The following LRCH1 variants were observed in gnomAD, a reference collection of about 807,000 sequenced individuals.
The protein encoded by LRCH1 is leucine-rich repeat and calponin homology domain-containing protein 1.
LRCH1 carries 23 observed loss-of-function variants against 94.9 expected under a neutral mutation model. The observed-to-expected ratio is 0.24, with a 90% CI of 0.17 to 0.34. The LOEUF (loss-of-function observed/expected upper bound fraction) is 0.34, where lower values mean the gene tolerates loss of function less well. Ranked by LOEUF, LRCH1 falls within the 10% of genes least tolerant of loss-of-function variation. The probability of loss-of-function intolerance (pLI) is 1.00; values close to 1 mark genes in which losing one functional copy is unlikely to be tolerated. For missense variants in LRCH1, 790 were observed against 945.9 expected, an observed-to-expected ratio of 0.84 and a Z score of 2.16; for synonymous variants, 364 against 354.9, an observed-to-expected ratio of 1.03 and a Z score of -0.29.
intron 13 of LRCH1, chr13:46,705,509 A>T (rs1871712738): frequency 1.4e-6 from 1 of 696,604 alleles, no homozygotes; most frequent in Non-Finnish European, 2.6e-6. Flanking sequence ...CCCTCTGTTG[A>T]AGATGAGAGT....
intron 1 of LRCH1, among the ~76,000 whole-genome samples, chr13:46,565,949 C>G (rs542737871): frequency 7.9e-5 from 12 of 151,742 alleles, no homozygotes; most frequent in African/African-American, 2.9e-4. Flanking sequence ...AATGGGGAAC[C>G]CTATTCCTGT....
At chr13:46,601,666 A>G (rs2050630319) in intron 1 of LRCH1, among the ~76,000 whole-genome samples, 1 of 152,220 alleles carries the variant, frequency 6.6e-6, no homozygotes, top group Admixed American at 6.5e-5. Flanking sequence ...AAGACTAATT[A>G]TATTTCCATA....
chr13:46,584,502 C>T (rs920220739), intron 1 of LRCH1, among the ~76,000 whole-genome samples: 15 of 152,330 alleles, frequency 9.8e-5, no homozygotes, highest in East Asian at 5.8e-4. Context: ...TATCACATGG[C>T]AAGTAGATCT....
At chr13:46,695,051 T>A in intron 9 of LRCH1, 34 bp downstream of exon 9, 1 of 1,610,422 alleles carries the variant, frequency 6.2e-7, no homozygotes. Flanking sequence ...GTTTTTTTAC[T>A]TATTTCCTTC....
chr13:46,680,395 C>G (rs1322117499), intron 3 of LRCH1, among the ~76,000 whole-genome samples: 1 of 152,110 alleles, frequency 6.6e-6, no homozygotes, highest in Non-Finnish European at 1.5e-5. Context: ...GAATGTAAAC[C>G]CATGAGCAAA....
Position 46,670,414 on chromosome 13 carries a change from A to G in LRCH1, c.579+1258A>G, listed in dbSNP as rs1012843100. ...TTCTGCTCAGCTTTTCCTCTTCCAT[A>G]CAACGGCAGAGGTTGCCCAAGTTTA... On this transcript the variant is annotated intron_variant, in intron 3 of 19. Coordinates refer to ENST00000389797, the MANE Select transcript of LRCH1 (RefSeq NM_001164211.2). 4.6e-5 allele frequency among the ~76,000 whole-genome samples: 7 copies of G among 152,180 alleles called. No individual in the cohort carries two copies. The South Asian group carries it at 1.0e-3, about 23-fold the overall frequency.
intron 8 of LRCH1, among the ~76,000 whole-genome samples, chr13:46,692,966 CTTTTT>C (rs556715797): frequency 7.8e-6 from 1 of 128,188 alleles, no homozygotes; most frequent in Admixed American, 8.0e-5. Flanking sequence ...AGATAAAATT[CTTTTT>C]TTTTTTTTTT....
intron 13 of LRCH1, among the ~76,000 whole-genome samples, chr13:46,706,908 A>C (rs190039363): frequency 6.6e-6 from 1 of 152,226 alleles, no homozygotes; most frequent in East Asian, 1.9e-4. Context: ...AAACACACAC[A>C]ATTCTTTTGC....
chr13:46,744,063 T>C lies in LRCH1; in HGVS notation c.*2215T>C. On this transcript the variant is annotated 3_prime_UTR_variant, in exon 20 of 20. Transcript: ENST00000389797. Reference sequence around the variant, plus strand: ...CCTTTAGGCAAAAATTTGAATGAACTGTTCTGTCCATTGCCAACCCATTAA... The same window carrying C: ...CCTTTAGGCAAAAATTTGAATGAACCGTTCTGTCCATTGCCAACCCATTAA... 1.0e-6 allele frequency: 1 copy of C among 985,430 alleles called. No homozygotes were observed. Among genetic ancestry groups the C allele is most frequent in the Non-Finnish European group, 1.2e-6 (1 of 829,930 alleles). The allele number at this position is 985,430 out of a possible 1,614,324, so 61.0% of individuals were successfully genotyped here. A position where few individuals can be genotyped will look rare whatever the true frequency, so the allele number is the denominator to read the frequency against.
At chr13:46,588,609 T>G (rs991879931) in intron 1 of LRCH1, among the ~76,000 whole-genome samples, 2 of 149,422 alleles carry the variant, frequency 1.3e-5, no homozygotes. Flanking sequence ...TTTTTTTTTT[T>G]TTTTTTTTGA....
intron 1 of LRCH1, among the ~76,000 whole-genome samples, chr13:46,609,131 C>G (rs934933380): frequency 1.3e-5 from 2 of 152,208 alleles, no homozygotes; most frequent in Non-Finnish European, 2.9e-5. Flanking sequence ...CAATTTAAAA[C>G]CAGGTGAGCA....
At chr13:46,586,195 A>T (rs2050433488) in intron 1 of LRCH1, among the ~76,000 whole-genome samples, 1 of 152,182 alleles carries the variant, frequency 6.6e-6, no homozygotes, top group Admixed American at 6.5e-5. Context: ...TTGCAAAAAG[A>T]AAGAGAGAGA....
At chr13:46,720,298 A>G (rs1027364488) in intron 16 of LRCH1, among the ~76,000 whole-genome samples, 9 of 151,856 alleles carry the variant, frequency 5.9e-5, no homozygotes, top group Non-Finnish European at 1.3e-4. Flanking sequence ...GAGATGGGAG[A>G]ATCGCGTGAG....
intron 1 of LRCH1, among the ~76,000 whole-genome samples, chr13:46,648,207 C>G (rs2051247525): frequency 6.6e-6 from 1 of 152,172 alleles, no homozygotes; most frequent in African/African-American, 2.4e-5. Flanking sequence ...CTTGCCTGCA[C>G]AGTTCACAAT....
chr13:46,622,847 C>T (rs1332063001), intron 1 of LRCH1, among the ~76,000 whole-genome samples: 1 of 152,180 alleles, frequency 6.6e-6, no homozygotes, highest in Non-Finnish European at 1.5e-5. Context: ...CTGTTGAGAA[C>T]GTTTTACCTT....
intron 5 of LRCH1, among the ~76,000 whole-genome samples, chr13:46,687,102 G>A (rs1211891872): frequency 6.6e-6 from 1 of 151,794 alleles, no homozygotes; most frequent in African/African-American, 2.4e-5. Flanking sequence ...GGGACTACAG[G>A]CGCCTGCCAC....
chr13:46,657,116 G>A (rs967109248), intron 2 of LRCH1, among the ~76,000 whole-genome samples: 2 of 152,060 alleles, frequency 1.3e-5, no homozygotes, highest in African/African-American at 4.8e-5. Context: ...TGTGCAGCAG[G>A]TTAGTGCTCT....
chr13:46,687,469 T>C (rs1870679686), intron 5 of LRCH1, among the ~76,000 whole-genome samples: 1 of 152,246 alleles, frequency 6.6e-6, no homozygotes, highest in Non-Finnish European at 1.5e-5. Flanking sequence ...CTACAATTAT[T>C]TTTAGGCTCT....
chr13:46,604,661 T>G (rs1462886630), intron 1 of LRCH1, among the ~76,000 whole-genome samples: 1 of 152,238 alleles, frequency 6.6e-6, no homozygotes, highest in Non-Finnish European at 1.5e-5. Flanking sequence ...TATCCTTTTG[T>G]TTCTTTTTTT....
Sources: gnomAD v4.1 joint callset for allele counts (sites outside exome capture counted in the v4.1 genomes callset) on GRCh38, gnomAD v4.1.1 for gene constraint, MANE v1.5 for transcripts, NCBI Gene and HGNC (gene_info 2026-07-23, HGNC 2026-07-21) for gene names.